Variants in EMP2 observed in about 807,000 individuals in gnomAD.
EMP2 encodes the protein epithelial membrane protein 2.
A neutral mutation model predicts 13.7 loss-of-function variants in EMP2; 19 were observed. The observed-to-expected ratio is 1.38, with a 90% confidence interval of 0.97 to 2.03. EMP2 has a LOEUF of 2.03. Among genes scored for constraint, EMP2 ranks in the 30% most tolerant of loss-of-function variants. The pLI, the probability that EMP2 is intolerant of heterozygous loss-of-function variation, is 0.00. For missense variants in EMP2, 253 were observed against 220.7 expected (o/e 1.15, Z -0.93); for synonymous variants, 97 against 84.7 (o/e 1.15, Z -0.80).
chr16:10,564,408 T>C (rs1254562211), intron 1 of EMP2, among the ~76,000 whole-genome samples: 1 of 150,582 alleles, frequency 6.6e-6, no homozygotes, highest in African/African-American at 2.5e-5. Context: ...GGAGAATTGC[T>C]TGAACCTGGG....
intron 1 of EMP2, chr16:10,559,036 T>G (rs569413742): frequency 6.6e-5 from 10 of 152,332 alleles, no homozygotes; most frequent in Admixed American, 3.3e-4. Flanking sequence ...ATCTCCCAAT[T>G]CAGAAGTGTT....
At chr16:10,574,725 T>A (rs1221934896) in intron 1 of EMP2, among the ~76,000 whole-genome samples, 1 of 151,104 alleles carries the variant, frequency 6.6e-6, no homozygotes, top group Admixed American at 6.6e-5. Context: ...TAATTTTTTG[T>A]ATTTTTAGTA....
intron 1 of EMP2, among the ~76,000 whole-genome samples, chr16:10,579,708 G>GCACGCACACA (rs1555461492): frequency 1.2e-3 from 179 of 146,786 alleles, no homozygotes; most frequent in East Asian, 9.3e-3. Flanking sequence ...AGATCAAGGT[G>GCACGCACACA]CACACACACA....
chr16:10,541,854 G>T (rs1273890626), intron 3 of EMP2, among the ~76,000 whole-genome samples: 1 of 152,128 alleles, frequency 6.6e-6, no homozygotes, highest in Admixed American at 6.5e-5. Context: ...TGGGGCCTAT[G>T]GTCCCTGCCT....
chr16:10,577,834 C>T (rs936818706), intron 1 of EMP2, among the ~76,000 whole-genome samples: 13 of 152,094 alleles, frequency 8.5e-5, no homozygotes, highest in Admixed American at 3.3e-4. Flanking sequence ...ACCGCCTCCC[C>T]TCTGGAACTC....
chr16:10,544,148 T>C (rs9923881), intron 2 of EMP2: 83,638 of 152,884 alleles, frequency 0.55, 24,210 homozygotes, highest in East Asian at 0.75. Context: ...GCCACTGCGC[T>C]CAGCCGGGAT....
intron 4 of EMP2, among the ~76,000 whole-genome samples, chr16:10,534,380 T>G (rs921287611): frequency 1.3e-5 from 2 of 152,202 alleles, no homozygotes; most frequent in African/African-American, 2.4e-5. Context: ...CCAGAGTACT[T>G]GTTATGTAAA....
At chr16:10,552,638 TC>T (rs1402438570) in intron 1 of EMP2, among the ~76,000 whole-genome samples, 2 of 152,252 alleles carry the variant, frequency 1.3e-5, no homozygotes, top group Non-Finnish European at 2.9e-5. Context: ...TTTTTAACGT[TC>T]TTTCTTTTTA....
At chr16:10,543,741 G>C (rs142331149) in intron 2 of EMP2, 81 bp from the exon 3 acceptor site, 88 of 1,362,656 alleles carry the variant, frequency 6.5e-5, no homozygotes, top group Non-Finnish European at 9.0e-5. Context: ...ACGAGGCATG[G>C]TGGGCTTCCA....
chr16:10,562,223 T>C (rs1050553321), intron 1 of EMP2, among the ~76,000 whole-genome samples: 9 of 152,164 alleles, frequency 5.9e-5, no homozygotes, highest in Non-Finnish European at 1.0e-4. Flanking sequence ...ATCCAATCTA[T>C]TTCTCCACCT....
chr16:10,547,331 C>A, intron 2 of EMP2: 3 of 542,992 alleles, frequency 5.5e-6, no homozygotes. Context: ...TTGCCTGCCA[C>A]CATGTAAGAT....
chr16:10,532,838 T>C lies in EMP2; in HGVS notation c.*67A>G. The stretch of plus-strand genomic sequence containing the variant: ...CTAGAAAAACCTCAAAAAATAATGA[T>C]TATATACAAAATGGTTATCTGAATG... On this transcript the variant is annotated 3_prime_UTR_variant, in exon 5 of 5. Transcript: ENST00000359543. The C allele has an allele frequency of 9.2e-7, 1 of 1,082,268 alleles. No homozygotes were observed. Among genetic ancestry groups the C allele is most frequent in the Non-Finnish European group, 1.2e-6 (1 of 858,988 alleles). 67.0% of individuals were successfully genotyped at this position (1,082,268 alleles called of 1,614,324 possible).
At chr16:10,537,565 G>A (rs890179436) in intron 4 of EMP2, among the ~76,000 whole-genome samples, 6 of 152,096 alleles carry the variant, frequency 3.9e-5, no homozygotes, top group Non-Finnish European at 7.4e-5. Flanking sequence ...CTGTCACAGG[G>A]CTTCCGTCAT....
intron 4 of EMP2, among the ~76,000 whole-genome samples, chr16:10,534,485 G>A (rs537441590): frequency 1.3e-5 from 2 of 152,292 alleles, no homozygotes; most frequent in Admixed American, 1.3e-4. Context: ...GTGGTCCTTG[G>A]CTGGGTGCGT....
chr16:10,576,166 AT>A (rs949281149), intron 1 of EMP2, among the ~76,000 whole-genome samples: 3 of 151,862 alleles, frequency 2.0e-5, no homozygotes, highest in African/African-American at 7.3e-5. Context: ...TGCTACTTAC[AT>A]TTTTTCCCCC....
intron 1 of EMP2, 117 bp from the exon 2 acceptor site, chr16:10,547,794 G>T: frequency 1.7e-6 from 1 of 591,896 alleles, no homozygotes; most frequent in Non-Finnish European, 3.0e-6. Flanking sequence ...CTGGAACTTT[G>T]GGAGAAGGTG....
intron 1 of EMP2, among the ~76,000 whole-genome samples, chr16:10,555,972 C>T (rs907405628): frequency 6.6e-6 from 1 of 152,154 alleles, no homozygotes; most frequent in Non-Finnish European, 1.5e-5. Context: ...ACTTCTATTT[C>T]TTGGTTAACT....
intron 3 of EMP2, among the ~76,000 whole-genome samples, chr16:10,541,507 G>A (rs560282306): frequency 1.2e-3 from 184 of 152,204 alleles, no homozygotes; most frequent in Admixed American, 1.4e-3. Context: ...CCAGCGGTTC[G>A]CCAACCCCTG....
rs116217573 is a variant in EMP2 at position 10,564,564 on chromosome 16, C to T, written c.-61+15985G>A. Reference sequence around the variant, plus strand: ...CTAGTTTGGTGGTCTGATATGTGGGCCCTACCTCCCAGTCCCACCTCCTAC... The same window carrying T: ...CTAGTTTGGTGGTCTGATATGTGGGTCCTACCTCCCAGTCCCACCTCCTAC... On this transcript the variant is annotated intron_variant, in intron 1 of 4. Transcript: ENST00000359543. Among the ~76,000 whole-genome samples, 875 of 151,502 alleles carry T rather than the reference C, an allele frequency of 5.8e-3. 7 individuals are homozygous for T. The highest frequency in any genetic ancestry group is 0.02 in the African/African-American group (829 of 41,308).
Sources: gnomAD v4.1 joint callset for allele counts (sites outside exome capture counted in the v4.1 genomes callset) on GRCh38, gnomAD v4.1.1 for gene constraint, MANE v1.5 for transcripts, NCBI Gene and HGNC (gene_info 2026-07-23, HGNC 2026-07-21) for gene names.